SMC1A: variants seen among roughly 807,000 people sequenced by gnomAD.
SMC1A encodes the protein structural maintenance of chromosomes 1A.
A neutral mutation model predicts 94.5 loss-of-function variants in SMC1A; 4 were observed. The observed-to-expected ratio is 0.04, with a 90% CI of 0.02 to 0.10. SMC1A has a LOEUF of 0.10. Ranked by LOEUF, SMC1A falls within the 10% of genes least tolerant of loss-of-function variation. The pLI is 1.00. For missense variants in SMC1A, 304 were observed against 989.0 expected (o/e 0.31, Z 9.29); for synonymous variants, 345 against 347.7 (o/e 0.99, Z 0.09).
At chrX:53,413,745 G>C (rs2075721935) in intron 3 of SMC1A, among the ~76,000 whole-genome samples, 1 of 111,487 alleles carries the variant, frequency 9.0e-6, no homozygotes, top group Non-Finnish European at 1.9e-5. Flanking sequence ...CATCTGTGCT[G>C]AGTTTGGAAG....
In SMC1A at chrX:53,412,991, G is replaced by A. The variant is rs782209409; in HGVS notation, c.763C>T (p.Arg255Cys). 6 of 1,202,951 alleles carry A rather than the reference G, an allele frequency of 5.0e-6. No homozygotes were observed. The highest frequency in any genetic ancestry group is 2.2e-5 in the Admixed American group (1 of 45,855). Residue 255 changes from arginine to cysteine, a missense_variant, in exon 5 of 25, where the codon CGT (arginine) becomes TGT (cysteine). Around this residue, in one of 11 missense-constraint regions of SMC1A, gnomAD observed 120 missense variants for 314.9 expected, o/e 0.38. Coordinates refer to ENST00000322213, the MANE Select transcript of SMC1A (RefSeq NM_006306.4). ...KNKEIEKDKK[R>C]MDKVEDELKE... ...AGTTCATCCTCCACCTTGTCCATAC[G>A]CTTCTTGTCCTTCTCGATCTCCTTG...
intron 7 of SMC1A, among the ~76,000 whole-genome samples, chrX:53,409,904 TA>T (rs1432140021): frequency 8.9e-6 from 1 of 112,412 alleles, no homozygotes; most frequent in Non-Finnish European, 1.9e-5. Context: ...ACTATCACAT[TA>T]TTTTTAAAAA....
chrX:53,390,303 C>T (rs1315609948), intron 19 of SMC1A, among the ~76,000 whole-genome samples: 6 of 106,835 alleles, frequency 5.6e-5, no homozygotes, highest in African/African-American at 1.0e-4. Context: ...TTGGCCAACA[C>T]AGTGAAATCC....
At chrX:53,384,629 C>T (rs2075597661) in intron 19 of SMC1A, among the ~76,000 whole-genome samples, 1 of 110,653 alleles carries the variant, frequency 9.0e-6, no homozygotes, top group African/African-American at 3.3e-5. Flanking sequence ...GCTCATGGTC[C>T]GTTCATCAAA....
intron 19 of SMC1A, among the ~76,000 whole-genome samples, chrX:53,394,173 A>C (rs1602404374): frequency 9.3e-6 from 1 of 107,794 alleles, no homozygotes. Context: ...AAAAAAAAAA[A>C]AGATATTTAG....
intron 19 of SMC1A, among the ~76,000 whole-genome samples, chrX:53,389,964 C>T (rs1556886982): frequency 9.9e-6 from 1 of 101,517 alleles, no homozygotes; most frequent in African/African-American, 3.6e-5. Context: ...ATTCTCCTGC[C>T]TCAGCCTCTC....
intron 15 of SMC1A, among the ~76,000 whole-genome samples, chrX:53,403,296 C>T (rs1289174503): frequency 9.2e-6 from 1 of 109,262 alleles, no homozygotes; most frequent in Non-Finnish European, 1.9e-5. Flanking sequence ...GATATTGCAG[C>T]TTACAGAAGT....
At chrX:53,410,940 A>AAAAAAAAAAAAAAAAAAC (rs2075709784) in intron 7 of SMC1A, among the ~76,000 whole-genome samples, 1 of 91,466 alleles carries the variant, frequency 1.1e-5, no homozygotes. Context: ...AAAAAAAAAA[A>AAAAAAAAAAAAAAAAAAC]AAAAAGTAGC....
intron 19 of SMC1A, among the ~76,000 whole-genome samples, chrX:53,391,476 G>GAGA (rs1458849700): frequency 9.4e-6 from 1 of 106,308 alleles, no homozygotes; most frequent in African/African-American, 3.4e-5. Flanking sequence ...AAAAAAAAAA[G>GAGA]AGAAGAAGAA....
At chrX:53,402,368 T>A (rs1383866069) in intron 15 of SMC1A, among the ~76,000 whole-genome samples, 1 of 110,743 alleles carries the variant, frequency 9.0e-6, no homozygotes, top group Admixed American at 9.7e-5. Context: ...GTTTGTTGAA[T>A]GAATGAATCA....
Position 53,405,231 on chromosome X carries a change from T to C in SMC1A, c.2058+14A>G, listed in dbSNP as rs1464938088. 3 of 1,212,209 alleles carry C rather than the reference T, an allele frequency of 2.5e-6. No individual in the cohort carries two copies. The highest frequency in any genetic ancestry group is 2.2e-5 in the Admixed American group (1 of 46,102). ...GGACTCCCACTGCTAAAAACAGCAC[T>C]GCCTGTGGCTTACTTTCAGCTCCTC... On this transcript the variant is annotated intron_variant, in intron 12 of 24. Coordinates refer to ENST00000322213, the MANE Select transcript of SMC1A (RefSeq NM_006306.4).
In SMC1A at chrX:53,377,813, T is replaced by C. The variant is rs2075565518; in HGVS notation, c.*2290A>G. 8.9e-6 allele frequency: 1 copy of C among 111,999 alleles called. No homozygotes were observed. Among genetic ancestry groups the C allele is most frequent in the South Asian group, 3.7e-4 (1 of 2,683 alleles). The allele number at this position is 111,999 out of a possible 1,213,427, so 9.2% of individuals were successfully genotyped here. A position where few individuals can be genotyped will look rare whatever the true frequency, so the allele number is the denominator to read the frequency against. ...ATCTCCTTTTACAGATGTGGAAACTTAGGCTCAGAGGTGAAGTAACTTGCA... is the reference window on the plus strand; with the variant it reads ...ATCTCCTTTTACAGATGTGGAAACTCAGGCTCAGAGGTGAAGTAACTTGCA... On this transcript the variant is annotated 3_prime_UTR_variant, in exon 25 of 25. Coordinates refer to ENST00000322213, the MANE Select transcript of SMC1A (RefSeq NM_006306.4).
chrX:53,405,174 T>C (rs1556889491), intron 12 of SMC1A, 25 bp from the exon 13 acceptor site: 1 of 1,212,111 alleles, frequency 8.3e-7, no homozygotes, highest in African/African-American at 1.7e-5. Context: ...AAAGAAGGGC[T>C]AGGTGGTAAG....
At chrX:53,403,490 A>G in intron 15 of SMC1A, 76 bp downstream of exon 15, 1 of 789,230 alleles carries the variant, frequency 1.3e-6, no homozygotes, top group Non-Finnish European at 1.9e-6. Flanking sequence ...TGCCTATGAC[A>G]GCATCTGGTT....
chrX:53,422,456 G>A (rs781792901), intron 1 of SMC1A, 36 bp downstream of exon 1: 6 of 966,676 alleles, frequency 6.2e-6, no homozygotes, highest in Non-Finnish European at 5.9e-6. Flanking sequence ...GGTCCAGGCC[G>A]GGACGTGCGC....
chrX:53,393,323 G>A (rs1171353276), intron 19 of SMC1A, among the ~76,000 whole-genome samples: 7 of 105,382 alleles, frequency 6.6e-5, no homozygotes, highest in Non-Finnish European at 1.2e-4. Flanking sequence ...TAAATACGAA[G>A]GAAAAAAATA....
At chrX:53,392,248 C>T (rs1470262592) in intron 19 of SMC1A, among the ~76,000 whole-genome samples, 5 of 108,537 alleles carry the variant, frequency 4.6e-5, no homozygotes, top group African/African-American at 1.7e-4. Context: ...AAAATTTAGC[C>T]GGGCGTGGTG....
chrX:53,386,107 T>C (rs1353672773), intron 19 of SMC1A, among the ~76,000 whole-genome samples: 1 of 111,512 alleles, frequency 9.0e-6, no homozygotes, highest in African/African-American at 3.3e-5. Flanking sequence ...AAAAAATACT[T>C]AACATGAATC....
chrX:53,396,805 C>T (rs2075652913), intron 16 of SMC1A, among the ~76,000 whole-genome samples, 188 bp from the exon 17 acceptor site: 1 of 111,662 alleles, frequency 9.0e-6, no homozygotes, highest in Non-Finnish European at 1.9e-5. Context: ...CTCCCACACA[C>T]CCCAATTTTA....
Sources: allele counts gnomAD v4.1 joint callset (sites outside exome capture counted in the v4.1 genomes callset), GRCh38; gene constraint gnomAD v4.1.1; regional missense constraint gnomAD v4.1.1; transcripts MANE v1.5; gene names NCBI Gene and HGNC (gene_info 2026-07-23, HGNC 2026-07-21).